Variants in TMEM167A observed in about 807,000 individuals in gnomAD.
TMEM167A encodes transmembrane protein 167A, also known as protein kish-A.
In TMEM167A, 8 loss-of-function variants were observed where a neutral mutation model predicts 11.6. That is an observed-to-expected ratio of 0.69 (90% CI 0.40 to 1.24). The LOEUF is 1.24. TMEM167A is among the 50% of genes most tolerant of loss of function. The probability of loss-of-function intolerance (pLI) is 0.01; values close to 1 mark genes in which losing one functional copy is unlikely to be tolerated. For missense variants in TMEM167A, 62 were observed against 87.0 expected (o/e 0.71, Z 1.14); for synonymous variants, 22 against 28.0 (o/e 0.79, Z 0.67).
intron 1 of TMEM167A, among the ~76,000 whole-genome samples, chr5:83,070,514 G>C (rs1744544454): frequency 6.6e-6 from 1 of 152,126 alleles, no homozygotes; most frequent in African/African-American, 2.4e-5. Context: ...TGATCATTTT[G>C]AAGTAAATCA....
rs1744694392 is a variant in TMEM167A at position 83,077,192 on chromosome 5, A to G, written c.3+129T>C. On this transcript the variant is annotated intron_variant, in intron 1 of 3. Coordinates refer to ENST00000502346, the MANE Select transcript of TMEM167A (RefSeq NM_174909.5). ...ATTCTCTCTGGTTGGCCGTGGAGGG[A>G]CCACATGGCTCCAAGGCCTCTCAGC... The G allele has an allele frequency of 7.2e-5, 98 of 1,364,552 alleles. 1 individual carries two copies. In the South Asian group the frequency reaches 1.1e-3, roughly 16 times the overall value. 84.5% of individuals were successfully genotyped at this position (1,364,552 alleles called of 1,614,324 possible). A position where few individuals can be genotyped will look rare whatever the true frequency, so the allele number is the denominator to read the frequency against.
intron 1 of TMEM167A, among the ~76,000 whole-genome samples, chr5:83,069,016 G>C (rs1455839846): frequency 1.3e-5 from 2 of 152,066 alleles, no homozygotes; most frequent in African/African-American, 4.8e-5. Flanking sequence ...AGATAAAAAG[G>C]CACTTAAAAA....
Position 83,062,597 on chromosome 5 carries a change from T to C in TMEM167A, c.114-686A>G, listed in dbSNP as rs575908823. Reference sequence around the variant, plus strand: ...ATGAATGAATATATTATGAATTACATATTATATGGAGTAATCACTTATTTG... The same window carrying C: ...ATGAATGAATATATTATGAATTACACATTATATGGAGTAATCACTTATTTG... On this transcript the variant is annotated intron_variant, in intron 2 of 3. Transcript: ENST00000502346. Among the ~76,000 whole-genome samples the C allele has an allele frequency of 2.9e-4, 44 of 152,154 alleles. 1 individual carries two copies. The South Asian group carries it at 8.7e-3, about 30-fold the overall frequency.
chr5:83,077,184 G>T, intron 1 of TMEM167A, 137 bp downstream of exon 1: 1 of 1,278,148 alleles, frequency 7.8e-7, no homozygotes, highest in Non-Finnish European at 1.1e-6. Context: ...CTGGTTGGCC[G>T]TGGAGGGACC....
rs200835491 is a variant in TMEM167A, at chr5:83,074,804, CTT to C, written c.3+2515_3+2516del. Among the ~76,000 whole-genome samples, 299 of 150,588 alleles carry C rather than the reference CTT, an allele frequency of 2.0e-3. 5 individuals carry two copies. The highest frequency in any genetic ancestry group is 3.7e-3 in the East Asian group (19 of 5,120). On this transcript the variant is annotated intron_variant, in intron 1 of 3. Transcript: ENST00000502346. ...TTTTTTTTTGAGATGGAGTTTCGCT[CTT>C]GTTGTCCAGGCTGGAGTGCAATGGC...
chr5:83,063,590 G>C lies in TMEM167A; in HGVS notation c.113+1418C>G, dbSNP rs943450578. Among the ~76,000 whole-genome samples, 3 of 151,986 alleles carry C rather than the reference G, an allele frequency of 2.0e-5. No individual in the cohort carries two copies. The South Asian group carries it at 6.2e-4, about 31-fold the overall frequency. Reference sequence around the variant, plus strand: ...TAACATATTAACAGCTTTTATAAATGAGTAAAGAACCCTAACTTGGTAACT... The same window carrying C: ...TAACATATTAACAGCTTTTATAAATCAGTAAAGAACCCTAACTTGGTAACT... On this transcript the variant is annotated intron_variant, in intron 2 of 3. Coordinates refer to ENST00000502346, the MANE Select transcript of TMEM167A (RefSeq NM_174909.5).
chr5:83,072,703 T>A (rs6892294), intron 1 of TMEM167A, among the ~76,000 whole-genome samples: 386 of 152,218 alleles, frequency 2.5e-3, no homozygotes, highest in African/African-American at 8.6e-3. Context: ...TAGTTTTTTT[T>A]GTATTTTTAG....
rs1050752224 is a variant in TMEM167A at position 83,062,042 on chromosome 5, A to G, written c.114-131T>C. Reference sequence around the variant, plus strand: ...TTTAACACTTTGCTTCAAATTTGAAATCTCCTTATTTGATGTTGAGCCACC... The same window carrying G: ...TTTAACACTTTGCTTCAAATTTGAAGTCTCCTTATTTGATGTTGAGCCACC... On this transcript the variant is annotated intron_variant, in intron 2 of 3. Coordinates refer to ENST00000502346, the MANE Select transcript of TMEM167A (RefSeq NM_174909.5). The G allele has an allele frequency of 3.8e-5, 27 of 712,164 alleles. 1 individual carries two copies. In the South Asian group the frequency reaches 3.9e-4, roughly 10 times the overall value. The allele number at this position is 712,164 out of a possible 1,614,324, so 44.1% of individuals were successfully genotyped here. A position where few individuals can be genotyped will look rare whatever the true frequency, so the allele number is the denominator to read the frequency against.
chr5:83,056,885 C>T lies in TMEM167A; in HGVS notation c.*199G>A, dbSNP rs1000465057. ...GTGACAGTACTGAGGTTGATTGTTA[C>T]AGACTATTAAATGGTTACATCTTAA... On this transcript the variant is annotated 3_prime_UTR_variant, in exon 4 of 4. Transcript: ENST00000502346. The T allele has an allele frequency of 2.0e-5, 12 of 610,704 alleles. No homozygotes were observed. Among genetic ancestry groups the T allele is most frequent in the African/African-American group, 1.9e-4 (10 of 53,592 alleles). The allele number at this position is 610,704 out of a possible 1,614,324, so 37.8% of individuals were successfully genotyped here. A position where few individuals can be genotyped will look rare whatever the true frequency, so the allele number is the denominator to read the frequency against.
intron 1 of TMEM167A, among the ~76,000 whole-genome samples, chr5:83,072,316 G>C (rs1744574008): frequency 6.6e-6 from 1 of 152,100 alleles, no homozygotes; most frequent in South Asian, 2.1e-4. Flanking sequence ...TTGATAAAAA[G>C]GTTGGACAAG....
Position 83,065,034 on chromosome 5 carries a change from G to T in TMEM167A, c.87C>A (p.Pro29=). The T allele has an allele frequency of 6.2e-7, 1 of 1,606,126 alleles. No individual in the cohort carries two copies. Residue 29 remains proline, a synonymous_variant, in exon 2 of 4, where the codon CCC becomes CCA. Transcript: ENST00000502346. The stretch of plus-strand genomic sequence containing the variant: ...CAGTTTTATTTCTGTCCAGGAGGCT[G>T]GGTGCCAAGGATCGAATATAAGCAC... ...CTCAYIRSLA[P]SLLDRNKTGL...
At chr5:83,073,968 G>C (rs1462752991) in intron 1 of TMEM167A, among the ~76,000 whole-genome samples, 1 of 152,110 alleles carries the variant, frequency 6.6e-6, no homozygotes, top group Non-Finnish European at 1.5e-5. Context: ...TTTTCAAGCT[G>C]GTCTCCCAGA....
At chr5:83,069,823 G>A (rs1035427815) in intron 1 of TMEM167A, among the ~76,000 whole-genome samples, 17 of 152,132 alleles carry the variant, frequency 1.1e-4, no homozygotes, top group Non-Finnish European at 2.4e-4. Flanking sequence ...GAACTTGAAC[G>A]CAACTGGCAA....
At chr5:83,076,292 T>G (rs1446121956) in intron 1 of TMEM167A, among the ~76,000 whole-genome samples, 3 of 152,214 alleles carry the variant, frequency 2.0e-5, no homozygotes, top group Non-Finnish European at 2.9e-5. Flanking sequence ...ATGAAAGCAT[T>G]TGCTACTTTT....
At position 83,056,819 on chromosome 5, in the gene TMEM167A, T is replaced by C. The variant is rs1037560087; in HGVS notation, c.*265A>G. The C allele has an allele frequency of 2.9e-5, 13 of 455,908 alleles. No homozygotes were observed. The highest frequency in any genetic ancestry group is 5.1e-5 in the Non-Finnish European group (13 of 256,710). The allele number at this position is 455,908 out of a possible 1,614,324, so 28.2% of individuals were successfully genotyped here. On this transcript the variant is annotated 3_prime_UTR_variant, in exon 4 of 4. Coordinates refer to ENST00000502346, the MANE Select transcript of TMEM167A (RefSeq NM_174909.5). ...AGAGATACCTCACTAAAATTTTGTA[T>C]CTGATACAACAGAATAACATTTGCA...
intron 1 of TMEM167A, among the ~76,000 whole-genome samples, chr5:83,075,322 T>C (rs1744625250): frequency 6.6e-6 from 1 of 152,118 alleles, no homozygotes. Flanking sequence ...TGAAGGATGT[T>C]AGGTGTTGGG....
chr5:83,077,239 C>G lies in TMEM167A; in HGVS notation c.3+82G>C. The G allele has an allele frequency of 4.4e-6, 7 of 1,608,062 alleles. No individual in the cohort carries two copies. The South Asian group carries it at 7.7e-5, about 18-fold the overall frequency. On this transcript the variant is annotated intron_variant, in intron 1 of 3. Coordinates refer to ENST00000502346, the MANE Select transcript of TMEM167A (RefSeq NM_174909.5). ...CAGCTCCGGGCCCACACACCCCGGG[C>G]TGCCGCACAAACTCCAGCCCTAGTC... is the stretch of plus-strand genomic sequence containing the variant.
chr5:83,061,919 G>A lies in TMEM167A; in HGVS notation c.114-8C>T. On this transcript the variant is annotated splice_region_variant and splice_polypyrimidine_tract_variant and intron_variant, in intron 2 of 3. Coordinates refer to ENST00000502346, the MANE Select transcript of TMEM167A (RefSeq NM_174909.5). Reference sequence around the variant, plus strand: ...CAAAATATACCCAACAATCTGCATAGAATAAAAAAAGAAAAAAAGTAGCTA... The same window carrying A: ...CAAAATATACCCAACAATCTGCATAAAATAAAAAAAGAAAAAAAGTAGCTA... The A allele has an allele frequency of 6.2e-7, 1 of 1,609,982 alleles. No individual in the cohort carries two copies. Among genetic ancestry groups the A allele is most frequent in the Non-Finnish European group, 8.5e-7 (1 of 1,177,212 alleles).
chr5:83,064,575 T>C (rs569002093), intron 2 of TMEM167A, among the ~76,000 whole-genome samples: 1 of 152,228 alleles, frequency 6.6e-6, no homozygotes, highest in East Asian at 1.9e-4. Context: ...ACTGTCTACT[T>C]GGATAGAAAG....
Sources: allele counts gnomAD v4.1 joint callset (sites outside exome capture counted in the v4.1 genomes callset), GRCh38; gene constraint gnomAD v4.1.1; transcripts MANE v1.5; gene names NCBI Gene and HGNC (gene_info 2026-07-23, HGNC 2026-07-21).